Variants in HEMK2 observed in about 807,000 individuals in gnomAD.
The protein encoded by HEMK2 is HemK methyltransferase 2, ETF1 glutamine and histone H4 lysine.
the HEMK2 span, among the ~76,000 whole-genome samples, chr21:28,665,102 T>C: frequency 6.7e-6 from 1 of 148,884 alleles, no homozygotes; most frequent in Non-Finnish European, 1.5e-5. Flanking sequence ...ACATGGTAAG[T>C]CCTCATTTCT....
chr21:28,712,695 G>A, the HEMK2 span, among the ~76,000 whole-genome samples: 1 of 152,168 alleles, frequency 6.6e-6, no homozygotes, highest in Non-Finnish European at 1.5e-5. Flanking sequence ...ATTGCAAAGA[G>A]CATACATTTC....
At chr21:28,825,671 A>C in the HEMK2 span, among the ~76,000 whole-genome samples, 4 of 152,256 alleles carry the variant, frequency 2.6e-5, no homozygotes, top group Non-Finnish European at 5.9e-5. Flanking sequence ...TCAATGCGTA[A>C]GCAATCATTG....
chr21:28,595,887 C>A, the HEMK2 span, among the ~76,000 whole-genome samples: 5 of 149,874 alleles, frequency 3.3e-5, no homozygotes, highest in African/African-American at 1.2e-4. Context: ...CAGGTTCATG[C>A]CATTCTCCTG....
the HEMK2 span, among the ~76,000 whole-genome samples, chr21:28,696,966 A>C: frequency 6.6e-6 from 1 of 152,046 alleles, no homozygotes; most frequent in Non-Finnish European, 1.5e-5. Flanking sequence ...CCATGTCCGG[A>C]GGCTGCACAC....
At chr21:28,601,303 A>G in the HEMK2 span, among the ~76,000 whole-genome samples, 1 of 152,204 alleles carries the variant, frequency 6.6e-6, no homozygotes, top group Non-Finnish European at 1.5e-5. Flanking sequence ...TTACTAAGCC[A>G]GTAGCATCCT....
the HEMK2 span, among the ~76,000 whole-genome samples, chr21:28,616,402 C>T: frequency 3.5e-3 from 539 of 152,056 alleles, 1 homozygote; most frequent in African/African-American, 0.012. Flanking sequence ...GAGAATGAAC[C>T]GTGCCTAAAA....
At chr21:28,852,524 T>A in the HEMK2 span, among the ~76,000 whole-genome samples, 1 of 152,190 alleles carries the variant, frequency 6.6e-6, no homozygotes, top group Admixed American at 6.5e-5. Flanking sequence ...TCTGATCATT[T>A]CCATTTCCCC....
chr21:28,598,425 A>G, the HEMK2 span, among the ~76,000 whole-genome samples: 1 of 152,302 alleles, frequency 6.6e-6, no homozygotes, highest in African/African-American at 2.4e-5. Context: ...ATAACCCTCG[A>G]TACCATGATT....
the HEMK2 span, among the ~76,000 whole-genome samples, chr21:28,763,822 T>C: frequency 1.2e-4 from 18 of 152,104 alleles, no homozygotes; most frequent in Non-Finnish European, 2.4e-4. Flanking sequence ...CTCGTTTGAC[T>C]GCCAACACCA....
chr21:28,796,053 A>T, the HEMK2 span, among the ~76,000 whole-genome samples: 62,472 of 151,986 alleles, frequency 0.41, 14,089 homozygotes, highest in African/African-American at 0.58. Context: ...GATTTTTTAT[A>T]CTGCCTTGAC....
chr21:28,863,635 A>C, the HEMK2 span, among the ~76,000 whole-genome samples: 1 of 151,728 alleles, frequency 6.6e-6, no homozygotes, highest in East Asian at 2.0e-4. Context: ...CTAGAAGGAA[A>C]AAGCCCTTAC....
chr21:28,649,502 C>T, the HEMK2 span, among the ~76,000 whole-genome samples: 9 of 152,140 alleles, frequency 5.9e-5, no homozygotes, highest in African/African-American at 1.9e-4. Context: ...AAGACAAAGT[C>T]GTTTCCCACA....
the HEMK2 span, among the ~76,000 whole-genome samples, chr21:28,628,934 T>C: frequency 6.6e-6 from 1 of 152,324 alleles, no homozygotes; most frequent in South Asian, 2.1e-4. Flanking sequence ...AGCATCAGAA[T>C]GAAATAAATC....
At chr21:28,841,333 A>ATAT in the HEMK2 span, among the ~76,000 whole-genome samples, 40 of 10,812 alleles carry the variant, frequency 3.7e-3, no homozygotes, top group African/African-American at 0.06. Context: ...TTATATATAA[A>ATAT]TATATATTAT....
chr21:28,735,511 G>A, the HEMK2 span, among the ~76,000 whole-genome samples: 1 of 152,164 alleles, frequency 6.6e-6, no homozygotes, highest in Admixed American at 6.5e-5. Flanking sequence ...GTCAGGGTAT[G>A]TCAAGTTCTT....
chr21:28,847,342 G>A, the HEMK2 span, among the ~76,000 whole-genome samples: 11,507 of 152,106 alleles, frequency 0.076, 1,024 homozygotes, highest in African/African-American at 0.2. Context: ...GCATGTCATC[G>A]TGATTTTGAT....
At chr21:28,629,370 T>C in the HEMK2 span, among the ~76,000 whole-genome samples, 1 of 152,200 alleles carries the variant, frequency 6.6e-6, no homozygotes, top group African/African-American at 2.4e-5. Context: ...AGGTTTAGCG[T>C]GGTCACGCAA....
the HEMK2 span, among the ~76,000 whole-genome samples, chr21:28,684,767 A>G: frequency 6.6e-6 from 1 of 152,208 alleles, no homozygotes; most frequent in Non-Finnish European, 1.5e-5. Flanking sequence ...TTGAGCTCCA[A>G]GCTCCTGGGT....
chr21:28,815,086 T>C, the HEMK2 span, among the ~76,000 whole-genome samples: 1 of 151,992 alleles, frequency 6.6e-6, no homozygotes, highest in Non-Finnish European at 1.5e-5. Context: ...TGTAGGGACA[T>C]GGATGAAGCT....
Sources: gnomAD v4.1 joint callset for allele counts (sites outside exome capture counted in the v4.1 genomes callset) on GRCh38, gnomAD v4.1.1 for gene constraint, MANE v1.5 for transcripts, NCBI Gene and HGNC (gene_info 2026-07-23, HGNC 2026-07-21) for gene names.